Variants in CDH23 observed in about 807,000 individuals in gnomAD.
CDH23 encodes cadherin-23.
CDH23 carries 189 observed loss-of-function variants against 317.1 expected under a neutral mutation model. The ratio of observed to expected loss-of-function variants is 0.60; its 90% CI spans 0.53 to 0.67. The LOEUF is 0.67. Among genes scored for constraint, CDH23 ranks in the 30% least tolerant of loss-of-function variants. CDH23 has a pLI of 0.00. For synonymous variants in CDH23, 1,839 were observed against 1,876.8 expected, an observed-to-expected ratio of 0.98 and a Z score of 0.52; for missense variants, 4,401 against 4,592.4, an observed-to-expected ratio of 0.96 and a Z score of 1.20.
chr10:71,467,872 G>A (rs1211133784), intron 3 of CDH23, among the ~76,000 whole-genome samples: 1 of 152,150 alleles, frequency 6.6e-6, no homozygotes, highest in Non-Finnish European at 1.5e-5. Flanking sequence ...TGAGAACCCA[G>A]GTCCCATGAC....
intron 56 of CDH23, 81 bp downstream of exon 56, chr10:71,806,078 GA>G: frequency 6.5e-7 from 1 of 1,533,922 alleles, no homozygotes; most frequent in Non-Finnish European, 8.8e-7. Flanking sequence ...TCGCCTCCTG[GA>G]AAGTCCCTAG....
rs1292260293 is a variant in CDH23 at position 71,712,783 on chromosome 10, G to A, written c.3339G>A (p.Glu1113=). 38 of 1,612,880 alleles carry A rather than the reference G, an allele frequency of 2.4e-5. No homozygotes were observed. The highest frequency in any genetic ancestry group is 3.1e-5 in the Non-Finnish European group (37 of 1,179,604). The change falls in exon 28 of 70, where the codon GAG becomes GAA. Residue 1113 remains glutamate (E), a synonymous_variant. Coordinates refer to ENST00000224721, the MANE Select transcript of CDH23 (RefSeq NM_022124.6). Reference sequence around the variant, plus strand: ...GCAGCTATGAGGCCAGCGTCCCTGAGGACATCCCTGAAGGCCACAGCATCT... The same window carrying A: ...GCAGCTATGAGGCCAGCGTCCCTGAAGACATCCCTGAAGGCCACAGCATCT... The part of the protein sequence containing the change: ...LQSSYEASVP[E]DIPEGHSILQ...
At chr10:71,666,437 C>T (rs925847287) in intron 14 of CDH23, among the ~76,000 whole-genome samples, 1 of 152,176 alleles carries the variant, frequency 6.6e-6, no homozygotes, top group African/African-American at 2.4e-5. Flanking sequence ...AGGTGCATGG[C>T]CACCCCCAGG....
chr10:71,529,188 C>A (rs1324891880), intron 6 of CDH23, among the ~76,000 whole-genome samples: 1 of 152,194 alleles, frequency 6.6e-6, no homozygotes, highest in African/African-American at 2.4e-5. Context: ...CCACTAAGCT[C>A]CCAGGCGATG....
chr10:71,521,380 C>T (rs942622459), intron 6 of CDH23, among the ~76,000 whole-genome samples: 8 of 152,330 alleles, frequency 5.3e-5, no homozygotes, highest in Admixed American at 4.6e-4. Context: ...CATCCCTGCA[C>T]CTCCCAGTCT....
In CDH23 at chr10:71,576,440, A is replaced by G. The variant is rs116630666; in HGVS notation, c.754-1474A>G. ...GACTGGGTGGAGTTAGAGGAGGGGT[A>G]GCTTGCCCCACAAGAGCGCAGGGCA... On this transcript the variant is annotated intron_variant, in intron 8 of 69. Transcript: ENST00000224721. Among the ~76,000 whole-genome samples the G allele has an allele frequency of 7.7e-3, 1,165 of 152,144 alleles. 13 individuals carry two copies. The highest frequency in any genetic ancestry group is 0.026 in the African/African-American group (1,072 of 41,496).
chr10:71,770,949 G>A (rs1180145224), intron 38 of CDH23, among the ~76,000 whole-genome samples: 2 of 152,200 alleles, frequency 1.3e-5, no homozygotes, highest in Non-Finnish European at 2.9e-5. Flanking sequence ...GAGCCTCTGG[G>A]CAGTGGGTTG....
chr10:71,661,375 T>C (rs750313984), intron 14 of CDH23, among the ~76,000 whole-genome samples: 2 of 152,104 alleles, frequency 1.3e-5, no homozygotes, highest in African/African-American at 2.4e-5. Flanking sequence ...ACCTACAAAC[T>C]GGTAGTCAGA....
intron 1 of CDH23, among the ~76,000 whole-genome samples, chr10:71,424,529 C>T (rs950840878): frequency 6.6e-6 from 1 of 152,136 alleles, no homozygotes; most frequent in South Asian, 2.1e-4. Flanking sequence ...CCTCGATACC[C>T]CCACTCATCC....
intron 6 of CDH23, among the ~76,000 whole-genome samples, chr10:71,534,116 A>G (rs560104200): frequency 1.3e-5 from 2 of 152,212 alleles, no homozygotes; most frequent in East Asian, 1.9e-4. Context: ...GAGATGCCCA[A>G]TCTTGTCCCC....
chr10:71,777,932 G>A (rs766367525), intron 39 of CDH23, 31 bp downstream of exon 39: 12 of 1,609,682 alleles, frequency 7.5e-6, no homozygotes, highest in Non-Finnish European at 7.6e-6. Context: ...TCAAGACAAG[G>A]GGCGAAACCT....
intron 6 of CDH23, among the ~76,000 whole-genome samples, chr10:71,535,720 C>T (rs1239593893): frequency 2.6e-5 from 4 of 152,198 alleles, no homozygotes; most frequent in Admixed American, 6.5e-5. Context: ...CTGATGTGAG[C>T]CCCAGGGCAG....
chr10:71,487,078 T>A (rs1224600124), intron 3 of CDH23, among the ~76,000 whole-genome samples: 2 of 152,152 alleles, frequency 1.3e-5, no homozygotes, highest in Non-Finnish European at 2.9e-5. Context: ...TAGAACCAGC[T>A]GTTTCCCCTG....
intron 6 of CDH23, among the ~76,000 whole-genome samples, chr10:71,565,053 C>A (rs1857323778): frequency 6.6e-6 from 1 of 152,216 alleles, no homozygotes; most frequent in Admixed American, 6.5e-5. Context: ...TGTGGCCCTC[C>A]TTTCTTGTGG....
rs1411995101 is a variant in CDH23 at position 71,793,237 on chromosome 10, G to T, written c.6309G>T (p.Glu2103Asp). 2 of 1,613,876 alleles carry T rather than the reference G, an allele frequency of 1.2e-6. No individual in the cohort carries two copies. Among genetic ancestry groups the T allele is most frequent in the East Asian group, 2.2e-5 (1 of 44,872 alleles). ...ATGAGGACAGTGGCCTCAATGGGGA[G>T]CTGGTCTACCGAATAGAAGCTGGGG... ...ATDEDSGLNG[E>D]LVYRIEAGAQ... The change falls in exon 48 of 70, where the codon GAG becomes GAT. Residue 2103 changes from glutamate (E) to aspartate (D), a missense_variant. Coordinates refer to ENST00000224721, the MANE Select transcript of CDH23 (RefSeq NM_022124.6).
intron 18 of CDH23, 115 bp downstream of exon 18, chr10:71,682,687 T>C: frequency 3.0e-6 from 4 of 1,351,704 alleles, no homozygotes; most frequent in Non-Finnish European, 3.1e-6. Flanking sequence ...CCCTGCACCT[T>C]GGGGAGTTTA....
At chr10:71,777,489 C>G (rs1276715373) in intron 38 of CDH23, among the ~76,000 whole-genome samples, 191 bp from the exon 39 acceptor site, 1 of 152,194 alleles carries the variant, frequency 6.6e-6, no homozygotes, top group African/African-American at 2.4e-5. Context: ...AGAGCAGTTA[C>G]CTTACTTGGC....
intron 6 of CDH23, among the ~76,000 whole-genome samples, chr10:71,549,229 G>T (rs1856451252): frequency 6.6e-6 from 1 of 152,254 alleles, no homozygotes; most frequent in Non-Finnish European, 1.5e-5. Context: ...CACAGAGTTT[G>T]TCCCATTAGT....
At chr10:71,582,328 A>G (rs1234788409) in intron 9 of CDH23, among the ~76,000 whole-genome samples, 3 of 152,230 alleles carry the variant, frequency 2.0e-5, no homozygotes, top group African/African-American at 4.8e-5. Flanking sequence ...AATAAAACAC[A>G]TAGGATTTTG....
Sources: gnomAD v4.1 joint callset for allele counts (sites outside exome capture counted in the v4.1 genomes callset) on GRCh38, gnomAD v4.1.1 for gene constraint, MANE v1.5 for transcripts, NCBI Gene and HGNC (gene_info 2026-07-23, HGNC 2026-07-21) for gene names.